The following CDC16 variants were observed in gnomAD, a reference collection of about 807,000 sequenced individuals.
The protein encoded by CDC16 is cell division cycle 16.
CDC16 carries 34 observed loss-of-function variants against 87.0 expected under a neutral mutation model. The ratio of observed to expected loss-of-function variants is 0.39; its 90% CI spans 0.30 to 0.52. CDC16 has a LOEUF of 0.52. Ranked by LOEUF, CDC16 falls within the 20% of genes least tolerant of loss-of-function variation. The pLI is 0.74. For synonymous variants in CDC16, 263 were observed against 260.6 expected (o/e 1.01, Z -0.09); for missense variants, 653 against 751.9 (o/e 0.87, Z 1.54).
At chr13:114,244,034 C>G (rs1455300950) in intron 8 of CDC16, 45 bp downstream of exon 8, 1 of 1,411,164 alleles carries the variant, frequency 7.1e-7, no homozygotes, top group Admixed American at 1.8e-5. Flanking sequence ...GGAGTTCACT[C>G]CATCTTACCT....
rs137973679 is a variant in CDC16, at chr13:114,258,773, C to T, written c.1251-562C>T. Among the ~76,000 whole-genome samples the T allele has an allele frequency of 9.8e-3, 1,484 of 151,980 alleles. 22 individuals are homozygous for T. Among genetic ancestry groups the T allele is most frequent in the African/African-American group, 0.034 (1,411 of 41,506 alleles). On this transcript the variant is annotated intron_variant, in intron 13 of 17. Coordinates refer to ENST00000356221, the MANE Select transcript of CDC16 (RefSeq NM_001078645.3). ...CCTGGCAGCCGCGGTTCAATATTTG[C>T]TAACTCAGTGTACACAGTGACTTTA... is the stretch of plus-strand genomic sequence containing the variant.
intron 15 of CDC16, 131 bp downstream of exon 15, chr13:114,262,079 G>T: frequency 2.0e-6 from 1 of 508,510 alleles, no homozygotes; most frequent in Non-Finnish European, 3.5e-6. Flanking sequence ...GATAAAATCA[G>T]CATCAAATCA....
rs764272207 is a variant in CDC16, at chr13:114,243,884, C to T, written c.662C>T (p.Pro221Leu). 74 of 1,610,104 alleles carry T rather than the reference C, an allele frequency of 4.6e-5. 2 individuals are homozygous for T. The South Asian group carries it at 7.5e-4, about 16-fold the overall frequency. The change falls in exon 8 of 18, where the codon CCT (proline) becomes CTT (leucine). Residue 221 changes from proline (P) to leucine (L), a missense_variant. Physicochemically the swap from Pro to Leu is moderately conservative, Grantham distance 98. Transcript: ENST00000356221. Reference protein sequence around the residue: ...KYNKPSETVIPESVDGLQENL... With the variant: ...KYNKPSETVILESVDGLQENL... ...AATAAGCCTAGTGAAACGGTCATCC[C>T]TGAATCTGTAGATGGCTTGCAAGAG... is the stretch of plus-strand genomic sequence containing the variant.
Position 114,270,423 on chromosome 13 carries a change from A to C in CDC16, c.1604-1761A>C, listed in dbSNP as rs1026327550. 2.8e-4 allele frequency among the ~76,000 whole-genome samples: 43 copies of C among 152,196 alleles called. 1 individual carries two copies. The highest frequency in any genetic ancestry group is 1.5e-5 in the Non-Finnish European group (1 of 68,024). On this transcript the variant is annotated intron_variant, in intron 17 of 17. Coordinates refer to ENST00000356221, the MANE Select transcript of CDC16 (RefSeq NM_001078645.3). The stretch of plus-strand genomic sequence containing the variant: ...CCTCCTACCAGGCCCCACCTCCAAC[A>C]TTGAGGATTACGGTTCACCCTGAGA...
intron 15 of CDC16, 118 bp downstream of exon 15, chr13:114,262,066 T>C (rs961154569): frequency 1.8e-6 from 1 of 542,294 alleles, no homozygotes; most frequent in Admixed American, 3.6e-5. Flanking sequence ...ACTTGGCTGC[T>C]CAGATAAAAT....
chr13:114,253,843 C>T (rs1488039764), intron 12 of CDC16, among the ~76,000 whole-genome samples: 3 of 152,074 alleles, frequency 2.0e-5, no homozygotes, highest in Non-Finnish European at 4.4e-5. Flanking sequence ...CTTCTCTTTC[C>T]TCATTGATCT....
intron 5 of CDC16, among the ~76,000 whole-genome samples, chr13:114,239,886 A>G (rs1014608972): frequency 1.1e-4 from 16 of 152,268 alleles, no homozygotes; most frequent in Admixed American, 1.0e-3. Context: ...TTCAAAGTAC[A>G]TTGCTATGTA....
At chr13:114,250,854 G>A (rs943960086) in intron 12 of CDC16, among the ~76,000 whole-genome samples, 180 bp downstream of exon 12, 3 of 152,128 alleles carry the variant, frequency 2.0e-5, no homozygotes, top group Admixed American at 6.6e-5. Flanking sequence ...AGAAGCTGGT[G>A]TATGCATTTG....
At chr13:114,236,622 C>G (rs947175179) in intron 1 of CDC16, 23 bp from the exon 2 acceptor site, 2 of 1,407,708 alleles carry the variant, frequency 1.4e-6, no homozygotes, top group Non-Finnish European at 1.9e-6. Flanking sequence ...CAGTTACCAC[C>G]TTTTTTTTTT....
chr13:114,257,917 G>A (rs1388761627), intron 13 of CDC16, among the ~76,000 whole-genome samples: 1 of 152,078 alleles, frequency 6.6e-6, no homozygotes, highest in Non-Finnish European at 1.5e-5. Flanking sequence ...CTCCTGAGTA[G>A]CTGGGATTAC....
chr13:114,239,177 T>C, intron 4 of CDC16, 149 bp downstream of exon 4: 1 of 1,402,136 alleles, frequency 7.1e-7, no homozygotes, highest in Non-Finnish European at 9.7e-7. Context: ...TCATGTTTGC[T>C]ATAAAATACT....
intron 11 of CDC16, among the ~76,000 whole-genome samples, chr13:114,247,829 T>A (rs555329273): frequency 6.6e-6 from 1 of 152,158 alleles, no homozygotes; most frequent in Non-Finnish European, 1.5e-5. Flanking sequence ...TGAGCTGATA[T>A]CGCACCATTG....
At chr13:114,262,061 G>A in intron 15 of CDC16, 113 bp downstream of exon 15, 1 of 583,442 alleles carries the variant, frequency 1.7e-6, no homozygotes, top group East Asian at 3.1e-5. Flanking sequence ...CTTGTACTTG[G>A]CTGCTCAGAT....
Position 114,262,907 on chromosome 13 carries a change from C to T in CDC16, c.1405C>T (p.Arg469Cys), listed in dbSNP as rs749365982. 1.6e-5 allele frequency: 26 copies of T among 1,613,940 alleles called. No individual in the cohort carries two copies. Among genetic ancestry groups the T allele is most frequent in the Admixed American group, 6.7e-5 (4 of 60,002 alleles). The change falls in exon 16 of 18, where the codon CGT becomes TGT. Residue 469 changes from arginine (R) to cysteine (C), a missense_variant. Arg to Cys is a radical substitution (Grantham distance 180, BLOSUM62 -3). Coordinates refer to ENST00000356221, the MANE Select transcript of CDC16 (RefSeq NM_001078645.3). ...KKYAEALDYH[R>C]QALVLIPQNA... ...GTATGCTGAGGCCTTGGATTACCACCGTCAGGCACTGGTGTTGATTCCTCA... is the reference window on the plus strand; with the variant it reads ...GTATGCTGAGGCCTTGGATTACCACTGTCAGGCACTGGTGTTGATTCCTCA...
chr13:114,259,712 A>G (rs2082722796), intron 14 of CDC16, among the ~76,000 whole-genome samples: 1 of 152,240 alleles, frequency 6.6e-6, no homozygotes, highest in Non-Finnish European at 1.5e-5. Flanking sequence ...ACAATTGGGC[A>G]CTGTAGCGTC....
chr13:114,239,391 C>T lies in CDC16; in HGVS notation c.282C>T (p.Asp94=), dbSNP rs1428954075. ...KEHQQALDVL[D]MEEPINKRLF... Reference sequence around the variant, plus strand: ...ACCAGCAGGCCCTTGATGTTCTTGACATGGAAGAGCCCATCAATAAAAGAT... The same window carrying T: ...ACCAGCAGGCCCTTGATGTTCTTGATATGGAAGAGCCCATCAATAAAAGAT... Residue 94 remains aspartate, a synonymous_variant, in exon 5 of 18, where the codon GAC becomes GAT. Transcript: ENST00000356221. The T allele has an allele frequency of 1.2e-6, 2 of 1,612,158 alleles. No homozygotes were observed. Among genetic ancestry groups the T allele is most frequent in the Non-Finnish European group, 1.7e-6 (2 of 1,178,384 alleles).
intron 9 of CDC16, among the ~76,000 whole-genome samples, chr13:114,245,212 TTTA>T (rs2081795418): frequency 2.6e-5 from 4 of 152,064 alleles, no homozygotes; most frequent in African/African-American, 7.2e-5. Context: ...TCAAATATCA[TTTA>T]TGTTTCAAGG....
chr13:114,266,420 C>G (rs2083214674), intron 17 of CDC16, among the ~76,000 whole-genome samples: 1 of 152,124 alleles, frequency 6.6e-6, no homozygotes, highest in Non-Finnish European at 1.5e-5. Flanking sequence ...GAGTAATACC[C>G]ATTGTAAAGT....
chr13:114,244,786 C>A (rs1400128098), intron 8 of CDC16, 104 bp from the exon 9 acceptor site: 3 of 630,894 alleles, frequency 4.8e-6, no homozygotes, highest in Admixed American at 2.6e-5. Flanking sequence ...TTACAACCCA[C>A]AGCATCATAT....
Sources: gnomAD v4.1 joint callset for allele counts (sites outside exome capture counted in the v4.1 genomes callset) on GRCh38, gnomAD v4.1.1 for gene constraint, MANE v1.5 for transcripts, NCBI Gene and HGNC (gene_info 2026-07-23, HGNC 2026-07-21) for gene names.